GALNT13: variants seen among roughly 807,000 people sequenced by gnomAD.
The protein encoded by GALNT13 is UDP-GalNAc:polypeptide N-acetylgalactosaminyltransferase 13.
Under a neutral mutation model 64.2 loss-of-function variants are expected in GALNT13, and 28 were observed. The ratio of observed to expected loss-of-function variants is 0.44; its 90% CI spans 0.32 to 0.60. The LOEUF is 0.60. GALNT13 is among the 20% of genes least tolerant of loss of function. GALNT13 has a pLI of 0.05. For missense variants in GALNT13, 577 were observed against 669.8 expected, an observed-to-expected ratio of 0.86 and a Z score of 1.53; for synonymous variants, 214 against 224.6, an observed-to-expected ratio of 0.95 and a Z score of 0.42.
At chr2:154,281,442 A>G (rs1691957261) in intron 8 of GALNT13, among the ~76,000 whole-genome samples, 1 of 152,166 alleles carries the variant, frequency 6.6e-6, no homozygotes, top group South Asian at 2.1e-4. Flanking sequence ...ACATGTAACA[A>G]TTTTTCTGAT....
At chr2:153,615,775 A>G in the GALNT13 span, among the ~76,000 whole-genome samples, 4 of 152,008 alleles carry the variant, frequency 2.6e-5, no homozygotes, top group Non-Finnish European at 5.9e-5. Flanking sequence ...CCATTTTAAA[A>G]ATCAGATTAT....
the GALNT13 span, among the ~76,000 whole-genome samples, chr2:153,537,941 T>C: frequency 6.6e-6 from 1 of 152,300 alleles, no homozygotes; most frequent in East Asian, 1.9e-4. Context: ...TGGACTAATA[T>C]ACTACATTGG....
chr2:153,225,653 A>G, the GALNT13 span, among the ~76,000 whole-genome samples: 1 of 152,238 alleles, frequency 6.6e-6, no homozygotes, highest in South Asian at 2.1e-4. Flanking sequence ...GAAGTCCAAT[A>G]TATAATTGTT....
the GALNT13 span, among the ~76,000 whole-genome samples, chr2:153,164,162 G>C: frequency 6.6e-6 from 1 of 151,952 alleles, no homozygotes; most frequent in African/African-American, 2.4e-5. Context: ...TGAAAAATTG[G>C]AATGGTAAAA....
the GALNT13 span, among the ~76,000 whole-genome samples, chr2:153,271,697 T>G: frequency 2.4e-4 from 37 of 152,210 alleles, 2 homozygotes. Context: ...CTGCCCAAAG[T>G]AATTTATAGA....
chr2:153,983,387 G>A (rs1694597500), intron 3 of GALNT13, among the ~76,000 whole-genome samples: 1 of 151,582 alleles, frequency 6.6e-6, no homozygotes, highest in South Asian at 2.1e-4. Flanking sequence ...GTGATAAATG[G>A]TAATTAATAT....
the GALNT13 span, among the ~76,000 whole-genome samples, chr2:153,846,502 A>G: frequency 6.6e-6 from 1 of 152,118 alleles, no homozygotes; most frequent in Non-Finnish European, 1.5e-5. Context: ...AAGTTGGGGG[A>G]CTTAGGAAAC....
At chr2:153,258,395 A>G in the GALNT13 span, among the ~76,000 whole-genome samples, 4 of 150,742 alleles carry the variant, frequency 2.7e-5, no homozygotes, top group South Asian at 8.3e-4. Flanking sequence ...AAAACAAAAC[A>G]AAACAAAACC....
chr2:154,222,210 AG>A (rs1371210794), intron 4 of GALNT13, among the ~76,000 whole-genome samples: 1 of 152,138 alleles, frequency 6.6e-6, no homozygotes, highest in Non-Finnish European at 1.5e-5. Flanking sequence ...ATCCTATGTA[AG>A]AAGTCTTACT....
At chr2:154,440,455 GA>G (rs34130337) in intron 12 of GALNT13, among the ~76,000 whole-genome samples, 13,544 of 146,622 alleles carry the variant, frequency 0.092, 682 homozygotes, top group Middle Eastern at 0.14. Flanking sequence ...AGTAAAAAGT[GA>G]AAAAAAAAAT....
At chr2:153,382,039 A>G in the GALNT13 span, among the ~76,000 whole-genome samples, 2 of 152,130 alleles carry the variant, frequency 1.3e-5, no homozygotes, top group Non-Finnish European at 2.9e-5. Context: ...ATCTAGAAAC[A>G]GGCAATGCTG....
chr2:153,577,587 GC>G, the GALNT13 span, among the ~76,000 whole-genome samples: 3 of 151,874 alleles, frequency 2.0e-5, no homozygotes, highest in Non-Finnish European at 4.4e-5. Context: ...CTTTTCAGAT[GC>G]CCCCTCTCTT....
chr2:153,459,011 C>T, the GALNT13 span, among the ~76,000 whole-genome samples: 2 of 152,064 alleles, frequency 1.3e-5, no homozygotes, highest in East Asian at 1.9e-4. Flanking sequence ...GTCTCCCTCC[C>T]TCCAATGCTT....
chr2:154,426,606 A>G (rs1019170639), intron 11 of GALNT13, among the ~76,000 whole-genome samples: 5 of 152,206 alleles, frequency 3.3e-5, no homozygotes, highest in Non-Finnish European at 4.4e-5. Context: ...ATATTCTTCA[A>G]TACTGCAATA....
chr2:153,726,939 C>CAAA, the GALNT13 span, among the ~76,000 whole-genome samples: 8 of 50,914 alleles, frequency 1.6e-4, no homozygotes, highest in Admixed American at 4.5e-4. Context: ...GACTCCATCT[C>CAAA]AAAAAAAAAA....
At chr2:153,156,088 G>T in the GALNT13 span, among the ~76,000 whole-genome samples, 1 of 152,146 alleles carries the variant, frequency 6.6e-6, no homozygotes, top group African/African-American at 2.4e-5. Context: ...TTGCTCTGTG[G>T]ACCAAGAGGC....
the GALNT13 span, among the ~76,000 whole-genome samples, chr2:153,543,866 T>G: frequency 6.6e-6 from 1 of 152,204 alleles, no homozygotes; most frequent in South Asian, 2.1e-4. Flanking sequence ...TCTCTATTTA[T>G]AGCAGGAAAG....
Position 154,342,849 on chromosome 2 carries a change from C to T in GALNT13, c.1156+41260C>T, listed in dbSNP as rs1269301572. On this transcript the variant is annotated intron_variant, in intron 9 of 12. Coordinates refer to ENST00000392825, the MANE Select transcript of GALNT13 (RefSeq NM_052917.4). Reference sequence around the variant, plus strand: ...GCGTGTGTGTGTGTGTGTGTGTGTGCGAGATTTCTTAGGGTATTTAAGCTT... The same window carrying T: ...GCGTGTGTGTGTGTGTGTGTGTGTGTGAGATTTCTTAGGGTATTTAAGCTT... Among the ~76,000 whole-genome samples the T allele has an allele frequency of 1.2e-4, 17 of 144,148 alleles. 1 individual carries two copies. Among genetic ancestry groups the T allele is most frequent in the Admixed American group, 2.1e-4 (3 of 14,530 alleles). 94.6% of individuals were successfully genotyped at this position (144,148 alleles called of 152,430 possible).
chr2:153,893,204 G>T (rs1000047224), intron 1 of GALNT13, among the ~76,000 whole-genome samples: 3 of 152,070 alleles, frequency 2.0e-5, no homozygotes, highest in African/African-American at 7.2e-5. Context: ...CACCTTTCAG[G>T]TTCAACCACA....
Sources: allele counts gnomAD v4.1 joint callset (sites outside exome capture counted in the v4.1 genomes callset), GRCh38; gene constraint gnomAD v4.1.1; transcripts MANE v1.5; gene names NCBI Gene and HGNC (gene_info 2026-07-23, HGNC 2026-07-21).